The following TCF3 variants were observed in gnomAD, a reference collection of about 807,000 sequenced individuals.
The protein encoded by TCF3 is transcription factor 3.
Under a neutral mutation model 72.3 loss-of-function variants are expected in TCF3, and 54 were observed. The ratio of observed to expected loss-of-function variants is 0.75; its 90% CI spans 0.60 to 0.94. The LOEUF (loss-of-function observed/expected upper bound fraction) is 0.94, where lower values mean the gene tolerates loss of function less well. TCF3 is among the 40% of genes least tolerant of loss of function. The pLI is 0.00. For missense variants in TCF3, 1,078 were observed against 934.4 expected (o/e 1.15, Z -2.00); for synonymous variants, 525 against 412.6 (o/e 1.27, Z -3.30).
chr19:1,622,516 C>A, intron 8 of TCF3, 101 bp from the exon 9 acceptor site: 1 of 628,956 alleles, frequency 1.6e-6, no homozygotes, highest in Non-Finnish European at 2.6e-6. Flanking sequence ...AGCACATCTA[C>A]CACCCCGTTT....
intron 2 of TCF3, among the ~76,000 whole-genome samples, chr19:1,646,786 A>T (rs2066174136): frequency 6.6e-6 from 1 of 152,236 alleles, no homozygotes; most frequent in Non-Finnish European, 1.5e-5. Flanking sequence ...TCAGCTCTTG[A>T]CAGTGATACA....
At chr19:1,616,788 G>GA (rs1460803160) in intron 16 of TCF3, among the ~76,000 whole-genome samples, 3 of 151,926 alleles carry the variant, frequency 2.0e-5, no homozygotes, top group Non-Finnish European at 4.4e-5. Flanking sequence ...AAGTAAAAAA[G>GA]AAAAAACAAA....
Position 1,622,325 on chromosome 19 carries a change from AG to A in TCF3, c.639del (p.Phe214SerfsTer70). The A allele has an allele frequency of 2.0e-6, 3 of 1,516,102 alleles. No individual in the cohort carries two copies. Among genetic ancestry groups the A allele is most frequent in the East Asian group, 2.4e-5 (1 of 42,138 alleles). The allele number at this position is 1,516,102 out of a possible 1,614,324, so 93.9% of individuals were successfully genotyped here. The part of the protein sequence containing the change: ...AKTPSSTYPA[P>X]FYVADGSLHP... ...CCCTGCCATGTACCTGCCACGTAGA[AG>A]GGGGCGGGATAGGTGCTGCTGGGGG... On this transcript the variant is annotated frameshift_variant, in exon 9 of 19. Coordinates refer to ENST00000262965, the MANE Select transcript of TCF3 (RefSeq NM_003200.5). LOFTEE classifies it high-confidence loss of function.
chr19:1,624,740 G>A (rs775547855), intron 7 of TCF3, among the ~76,000 whole-genome samples: 32 of 152,376 alleles, frequency 2.1e-4, no homozygotes, highest in Admixed American at 9.8e-4. Context: ...CCAGGCGCAT[G>A]TGCCCAGCCA....
intron 2 of TCF3, among the ~76,000 whole-genome samples, chr19:1,647,095 G>A (rs1484338995): frequency 6.6e-6 from 1 of 152,202 alleles, no homozygotes; most frequent in African/African-American, 2.4e-5. Flanking sequence ...GGAGGGGCTG[G>A]GGAGAGGCTG....
intron 3 of TCF3, among the ~76,000 whole-genome samples, chr19:1,637,838 G>A (rs2064659885): frequency 6.6e-6 from 1 of 152,154 alleles, no homozygotes. Context: ...GAACCCGGGA[G>A]GCAGAGCTTG....
chr19:1,650,843 C>T (rs2066912122), intron 1 of TCF3: 1 of 231,092 alleles, frequency 4.3e-6, no homozygotes, highest in East Asian at 6.1e-5. Flanking sequence ...AACTCTTTTA[C>T]AAGCTTCAAG....
chr19:1,642,419 C>T (rs747993514), intron 3 of TCF3, among the ~76,000 whole-genome samples: 7 of 152,158 alleles, frequency 4.6e-5, no homozygotes, highest in Non-Finnish European at 1.0e-4. Flanking sequence ...CACGGGTGGG[C>T]GGGACGGTAC....
chr19:1,648,439 C>T (rs556389427), intron 2 of TCF3, among the ~76,000 whole-genome samples: 4 of 152,130 alleles, frequency 2.6e-5, no homozygotes, highest in Non-Finnish European at 2.9e-5. Context: ...GATGGGGAGA[C>T]GTGCTGAGTG....
chr19:1,648,424 C>CCCGGGATGGGGAG (rs2066466592), intron 2 of TCF3, among the ~76,000 whole-genome samples: 1 of 152,170 alleles, frequency 6.6e-6, no homozygotes, highest in Non-Finnish European at 1.5e-5. Flanking sequence ...ACGGCTCCGA[C>CCCGGGATGGGGAG]CCGGGATGGG....
At position 1,622,125 on chromosome 19, in the gene TCF3, G is replaced by A; in HGVS notation, c.751C>T (p.Pro251Ser). The A allele has an allele frequency of 6.3e-7, 1 of 1,597,872 alleles. No homozygotes were observed. Among genetic ancestry groups the A allele is most frequent in the South Asian group, 1.1e-5 (1 of 88,868 alleles). Residue 251 changes from proline (P) to serine (S), a missense_variant, in exon 10 of 19, where the codon CCC becomes TCC. By Grantham distance (74) the Pro-to-Ser change is moderately conservative. Coordinates refer to ENST00000262965, the MANE Select transcript of TCF3 (RefSeq NM_003200.5). ...GGGSSPLPLP[P>S]GSGPVGSSGS... ...CTGCTGCCCACCGGGCCGCTACCGG[G>A]CGGGAGGGGCAGCGGGGATGAGCCC...
chr19:1,617,246 G>GGC, intron 16 of TCF3, among the ~76,000 whole-genome samples: 1 of 152,332 alleles, frequency 6.6e-6, no homozygotes, highest in Non-Finnish European at 1.5e-5. Flanking sequence ...CAGGTTGGCA[G>GGC]GAAAGCGTGA....
intron 5 of TCF3, 170 bp downstream of exon 5, chr19:1,631,868 C>G: frequency 2.7e-6 from 4 of 1,507,100 alleles, no homozygotes; most frequent in Non-Finnish European, 3.6e-6. Flanking sequence ...CGGGCCACGT[C>G]CCCTGCACCT....
At chr19:1,642,911 G>A (rs1364973597) in intron 3 of TCF3, among the ~76,000 whole-genome samples, 2 of 152,214 alleles carry the variant, frequency 1.3e-5, no homozygotes, top group South Asian at 2.1e-4. Flanking sequence ...GCCGTTCTGT[G>A]GATTTTCACT....
At position 1,621,214 on chromosome 19, in the gene TCF3, C is replaced by T. The variant is rs890602851; in HGVS notation, c.956-23G>A. 5.2e-6 allele frequency: 8 copies of T among 1,531,354 alleles called. No homozygotes were observed. In the African/African-American group the frequency reaches 5.5e-5, roughly 10 times the overall value. The allele number at this position is 1,531,354 out of a possible 1,614,324, so 94.9% of individuals were successfully genotyped here. A position where few individuals can be genotyped will look rare whatever the true frequency, so the allele number is the denominator to read the frequency against. On this transcript the variant is annotated intron_variant, in intron 11 of 18. Coordinates refer to ENST00000262965, the MANE Select transcript of TCF3 (RefSeq NM_003200.5). ...AGCCTGTGGGTGAAGAGAGGTGAGG[C>T]CCACGCAGCCCGGCCTGGGTGCTGC...
intron 1 of TCF3, 75 bp from the exon 2 acceptor site, chr19:1,650,362 A>G (rs1454579403): frequency 8.5e-7 from 1 of 1,170,612 alleles, no homozygotes; most frequent in African/African-American, 1.5e-5. Flanking sequence ...GTCAAAGCAC[A>G]GAGTGCTAAA....
intron 5 of TCF3, among the ~76,000 whole-genome samples, chr19:1,631,510 C>T (rs973806129): frequency 1.3e-5 from 2 of 152,038 alleles, no homozygotes; most frequent in African/African-American, 4.8e-5. Context: ...CTCAGGTGAT[C>T]CACCCACCTC....
chr19:1,612,321 G>A lies in TCF3; in HGVS notation c.1823-472C>T, dbSNP rs757572121. ...ATCTGGCACATGCGCCCCAGCTCCC[G>A]GAAGGCCTCGTTAATATCCCGCACG... On this transcript the variant is annotated intron_variant, in intron 18 of 18. Coordinates refer to ENST00000262965, the MANE Select transcript of TCF3 (RefSeq NM_003200.5). 1.3e-5 allele frequency: 21 copies of A among 1,613,814 alleles called. 1 individual carries two copies. The highest frequency in any genetic ancestry group is 1.2e-4 in the Admixed American group (7 of 59,998).
At chr19:1,648,750 A>G (rs1026798097) in intron 2 of TCF3, among the ~76,000 whole-genome samples, 1 of 141,386 alleles carries the variant, frequency 7.1e-6, no homozygotes, top group African/African-American at 2.7e-5. Flanking sequence ...CATAGGCGGG[A>G]GGGTTAAATT....
Sources: gnomAD v4.1 joint callset for allele counts (sites outside exome capture counted in the v4.1 genomes callset) on GRCh38, gnomAD v4.1.1 for gene constraint, MANE v1.5 for transcripts, NCBI Gene and HGNC (gene_info 2026-07-23, HGNC 2026-07-21) for gene names.